Variants in IGF1R observed in about 807,000 individuals in gnomAD.
The protein encoded by IGF1R is insulin like growth factor 1 receptor.
A neutral mutation model predicts 144.6 loss-of-function variants in IGF1R; 44 were observed. That is an observed-to-expected ratio of 0.30 (90% CI 0.24 to 0.39). The LOEUF (loss-of-function observed/expected upper bound fraction) is 0.39, where lower values mean the gene tolerates loss of function less well. IGF1R is among the 10% of genes least tolerant of loss of function. IGF1R has a pLI of 1.00. For synonymous variants in IGF1R, 795 were observed against 722.8 expected, an observed-to-expected ratio of 1.10 and a Z score of -1.60; for missense variants, 1,355 against 1,833.7, an observed-to-expected ratio of 0.74 and a Z score of 4.77.
chr15:98,697,072 GA>G (rs1163052923), intron 1 of IGF1R, among the ~76,000 whole-genome samples: 2 of 152,180 alleles, frequency 1.3e-5, no homozygotes, highest in African/African-American at 4.8e-5. Context: ...AGTTGTAGCA[GA>G]TACAAAGGCT....
Position 98,930,244 on chromosome 15 carries a change from C to T in IGF1R, c.2895C>T (p.Ser965=), listed in dbSNP as rs563710089. ...TTAATCTTTTTGACAGAAATAACAG[C>T]AGGCTGGGGAATGGAGTGCTGTATG... ...LYVFHRKRNN[S]RLGNGVLYAS... is the part of the protein sequence containing the mutation. Residue 965 remains serine (S), a synonymous_variant, in exon 15 of 21, where the codon AGC becomes AGT. Transcript: ENST00000650285. The T allele has an allele frequency of 3.6e-5, 58 of 1,612,672 alleles. No individual in the cohort carries two copies. The highest frequency in any genetic ancestry group is 4.9e-5 in the Non-Finnish European group (58 of 1,178,994).
At chr15:98,954,007 GGA>G (rs2016880602) in intron 20 of IGF1R, 1 of 152,214 alleles carries the variant, frequency 6.6e-6, no homozygotes, top group Non-Finnish European at 1.5e-5. Context: ...CTGCCAGGAG[GGA>G]GAGACACATT....
At chr15:98,688,088 C>G (rs1227629958) in intron 1 of IGF1R, among the ~76,000 whole-genome samples, 2 of 152,096 alleles carry the variant, frequency 1.3e-5, no homozygotes, top group Non-Finnish European at 2.9e-5. Context: ...ATTGAGGCCC[C>G]CTGCCTGCCT....
At chr15:98,761,515 G>A (rs966254810) in intron 2 of IGF1R, among the ~76,000 whole-genome samples, 2 of 152,210 alleles carry the variant, frequency 1.3e-5, no homozygotes, top group African/African-American at 4.8e-5. Flanking sequence ...TCCACAGTTT[G>A]TCTGAGACTG....
intron 2 of IGF1R, among the ~76,000 whole-genome samples, chr15:98,799,367 TAA>T (rs10710734): frequency 1.3e-3 from 195 of 147,018 alleles, no homozygotes; most frequent in African/African-American, 2.3e-3. Flanking sequence ...GCAGTAAGTT[TAA>T]AAAAAAAAAA....
intron 2 of IGF1R, among the ~76,000 whole-genome samples, chr15:98,741,797 T>C (rs2054752430): frequency 6.6e-6 from 1 of 152,216 alleles, no homozygotes; most frequent in Admixed American, 6.5e-5. Flanking sequence ...TTAATAAATT[T>C]AAAGGCATGT....
At chr15:98,650,790 C>T (rs1192463805) in intron 1 of IGF1R, 1 of 611,166 alleles carries the variant, frequency 1.6e-6, no homozygotes, top group Non-Finnish European at 2.1e-6. Flanking sequence ...CTTCTGCCGC[C>T]CCGCACTTCC....
intron 2 of IGF1R, among the ~76,000 whole-genome samples, chr15:98,870,606 A>G (rs1196747949): frequency 2.6e-5 from 4 of 152,020 alleles, no homozygotes; most frequent in African/African-American, 4.8e-5. Context: ...AAAGATGTGC[A>G]TGTGTGTGTG....
intron 2 of IGF1R, among the ~76,000 whole-genome samples, chr15:98,721,463 C>G (rs943487401): frequency 4.6e-5 from 7 of 152,166 alleles, no homozygotes; most frequent in Non-Finnish European, 1.0e-4. Flanking sequence ...CTTGACCCCA[C>G]TTAGTGTCTG....
intron 1 of IGF1R, among the ~76,000 whole-genome samples, chr15:98,698,129 C>G (rs1270713973): frequency 2.0e-5 from 3 of 151,642 alleles, no homozygotes; most frequent in African/African-American, 7.3e-5. Flanking sequence ...ACCTCTGCCT[C>G]CCAGGTTGAA....
In IGF1R at chr15:98,960,289, T is replaced by C. The variant is rs567774511; in HGVS notation, c.*2847T>C. 4 of 170,552 alleles carry C rather than the reference T, an allele frequency of 2.3e-5. No individual in the cohort carries two copies. The highest frequency in any genetic ancestry group is 3.4e-5 in the Non-Finnish European group (3 of 87,534). The allele number at this position is 170,552 out of a possible 1,614,324, so 10.6% of individuals were successfully genotyped here. On this transcript the variant is annotated 3_prime_UTR_variant, in exon 21 of 21. Coordinates refer to ENST00000650285, the MANE Select transcript of IGF1R (RefSeq NM_000875.5). ...TTTTTCTGAGATGTCCTGTTTTGTG[T>C]TGCTTTTTTTGTTTTGTTTTCTATC... is the stretch of plus-strand genomic sequence containing the variant.
rs575214395 is a variant in IGF1R at position 98,842,145 on chromosome 15, C to T, written c.641-49180C>T. Among the ~76,000 whole-genome samples the T allele has an allele frequency of 2.0e-5, 3 of 152,342 alleles. No homozygotes were observed. In the South Asian group the frequency reaches 6.2e-4, roughly 32 times the overall value. On this transcript the variant is annotated intron_variant, in intron 2 of 20. Coordinates refer to ENST00000650285, the MANE Select transcript of IGF1R (RefSeq NM_000875.5). Reference sequence around the variant, plus strand: ...AGAACAGACCCCTTCACCTCTGTCCCCAGAAGCAGAAGTAGGTGATGCACT... The same window carrying T: ...AGAACAGACCCCTTCACCTCTGTCCTCAGAAGCAGAAGTAGGTGATGCACT...
chr15:98,935,990 G>A lies in IGF1R; in HGVS notation c.3297+564G>A, dbSNP rs1444625094. 6.6e-6 allele frequency among the ~76,000 whole-genome samples: 1 copy of A among 152,120 alleles called. No individual in the cohort carries two copies. Among genetic ancestry groups the A allele is most frequent in the Non-Finnish European group, 1.5e-5 (1 of 68,042 alleles). On this transcript the variant is annotated intron_variant, in intron 17 of 20. Coordinates refer to ENST00000650285, the MANE Select transcript of IGF1R (RefSeq NM_000875.5). The surrounding 1 kb of genome is among the most constrained non-coding windows in gnomAD (Gnocchi z 4.2). ...GTTACAGTTCAAGGTTAAGCTGCCT[G>A]GATTCTTGCCCTTGCATCTGGGAAG...
At chr15:98,711,641 TGTG>T (rs140126129) in intron 2 of IGF1R, among the ~76,000 whole-genome samples, 10,496 of 152,126 alleles carry the variant, frequency 0.069, 999 homozygotes, top group African/African-American at 0.22. Flanking sequence ...CCCCCTGACA[TGTG>T]GTGTGGTTGA....
intron 2 of IGF1R, among the ~76,000 whole-genome samples, chr15:98,868,894 T>A (rs1162882520): frequency 6.6e-6 from 1 of 152,198 alleles, no homozygotes; most frequent in Non-Finnish European, 1.5e-5. Flanking sequence ...CTCACACCCT[T>A]GAGAGAGGAT....
intron 20 of IGF1R, among the ~76,000 whole-genome samples, chr15:98,953,698 G>A (rs923049908): frequency 6.6e-6 from 1 of 152,152 alleles, no homozygotes; most frequent in African/African-American, 2.4e-5. Flanking sequence ...AGACGTCTTT[G>A]GTCTACAGGA....
chr15:98,887,558 T>A (rs575297565), intron 2 of IGF1R, among the ~76,000 whole-genome samples: 18 of 152,212 alleles, frequency 1.2e-4, no homozygotes, highest in Non-Finnish European at 1.8e-4. Flanking sequence ...TAGTGTCTGA[T>A]GATGATGGTA....
At chr15:98,915,509 T>C (rs2015205265) in intron 8 of IGF1R, among the ~76,000 whole-genome samples, 1 of 152,206 alleles carries the variant, frequency 6.6e-6, no homozygotes, top group Admixed American at 6.5e-5. Context: ...ACTTCCTCTT[T>C]CCATTTGGCT....
chr15:98,818,259 G>T (rs146416365), intron 2 of IGF1R, among the ~76,000 whole-genome samples: 5 of 152,300 alleles, frequency 3.3e-5, no homozygotes, highest in African/African-American at 1.2e-4. Flanking sequence ...ATAGCGTCGA[G>T]TTATAAGATG....
Sources: allele counts gnomAD v4.1 joint callset (sites outside exome capture counted in the v4.1 genomes callset), GRCh38; gene constraint gnomAD v4.1.1; non-coding constraint Gnocchi (gnomAD v3.1); transcripts MANE v1.5; gene names NCBI Gene and HGNC (gene_info 2026-07-23, HGNC 2026-07-21).